Variants in KCND3 observed in about 807,000 individuals in gnomAD.
KCND3 encodes the protein A-type voltage-gated potassium channel KCND3.
In KCND3, 9 loss-of-function variants were observed where a neutral mutation model predicts 51.1. That is an observed-to-expected ratio of 0.18 (90% confidence interval 0.11 to 0.31). The LOEUF is 0.31. Ranked by LOEUF, KCND3 falls within the 10% of genes least tolerant of loss-of-function variation. The pLI is 1.00. For synonymous variants in KCND3, 349 were observed against 368.0 expected, an observed-to-expected ratio of 0.95 and a Z score of 0.59; for missense variants, 526 against 903.8, an observed-to-expected ratio of 0.58 and a Z score of 5.36.
At chr1:111,781,756 T>C (rs965428083) in intron 3 of KCND3, among the ~76,000 whole-genome samples, 1 of 152,154 alleles carries the variant, frequency 6.6e-6, no homozygotes, top group Non-Finnish European at 1.5e-5. Flanking sequence ...GAGGGCTGCA[T>C]GGTATCAAGC....
intron 2 of KCND3, among the ~76,000 whole-genome samples, chr1:111,916,347 A>G (rs1329640300): frequency 6.6e-6 from 1 of 152,250 alleles, no homozygotes; most frequent in Admixed American, 6.5e-5. Flanking sequence ...AAAAATCACA[A>G]GGGAAATTAG....
rs766584545 is a variant in KCND3 at position 111,982,381 on chromosome 1, C to T, written c.346G>A (p.Asp116Asn). 5 of 1,614,184 alleles carry T rather than the reference C, an allele frequency of 3.1e-6. No homozygotes were observed. The highest frequency in any genetic ancestry group is 4.2e-6 in the Non-Finnish European group (5 of 1,180,048). ...AGGATGCCGTAGAAGGCCAGCTCGT[C>T]GTCGTAGGCAGAGATGCACTCGTAG... ...PRYECISAYD[D>N]ELAFYGILPE... The change falls in exon 2 of 8, where the codon GAC becomes AAC. Residue 116 changes from aspartate (D) to asparagine (N), a missense_variant. By Grantham distance (23) the Asp-to-Asn change is conservative (BLOSUM62 1). Coordinates refer to ENST00000302127, the MANE Select transcript of KCND3 (RefSeq NM_001378969.1). This position sits in a 1 kb window ranked among gnomAD's most constrained non-coding sequence, Gnocchi z 8.5.
chr1:111,787,131 G>A (rs756921070), intron 2 of KCND3, 25 bp from the exon 3 acceptor site: 6 of 1,613,216 alleles, frequency 3.7e-6, no homozygotes, highest in East Asian at 2.2e-5. Context: ...GAAACAGGGT[G>A]TAAGGGAGAG....
At chr1:111,790,783 T>C (rs1309648342) in intron 2 of KCND3, among the ~76,000 whole-genome samples, 5 of 152,244 alleles carry the variant, frequency 3.3e-5, no homozygotes, top group African/African-American at 7.2e-5. Flanking sequence ...TCCGTCTCTA[T>C]AGATGTCCCC....
At chr1:111,976,428 G>C (rs1326320256) in intron 2 of KCND3, among the ~76,000 whole-genome samples, 1 of 152,208 alleles carries the variant, frequency 6.6e-6, no homozygotes, top group Non-Finnish European at 1.5e-5. Flanking sequence ...CATTTTGATA[G>C]CACATTCATC....
intron 2 of KCND3, among the ~76,000 whole-genome samples, chr1:111,943,806 C>T (rs67211614): frequency 0.086 from 13,017 of 152,198 alleles, 581 homozygotes; most frequent in Non-Finnish European, 0.099. Flanking sequence ...ATTATTCACC[C>T]CATTTTACAG....
At chr1:111,970,027 T>G (rs1004627604) in intron 2 of KCND3, among the ~76,000 whole-genome samples, 4 of 152,222 alleles carry the variant, frequency 2.6e-5, no homozygotes, top group East Asian at 3.9e-4. Flanking sequence ...CTCTCTTTTT[T>G]TTTTTGGAGA....
chr1:111,928,320 G>A (rs1007255989), intron 2 of KCND3, among the ~76,000 whole-genome samples: 7 of 152,124 alleles, frequency 4.6e-5, no homozygotes, highest in African/African-American at 1.7e-4. Flanking sequence ...CCTACTCCCC[G>A]GGAAGCTCAG....
chr1:111,866,105 A>T (rs892863936), intron 2 of KCND3, among the ~76,000 whole-genome samples: 43 of 151,870 alleles, frequency 2.8e-4, no homozygotes, highest in Non-Finnish European at 1.2e-4. Flanking sequence ...TTTAGTTCTA[A>T]TTTTTTTAGT....
intron 2 of KCND3, among the ~76,000 whole-genome samples, chr1:111,817,486 C>T (rs1571686887): frequency 6.6e-6 from 1 of 152,252 alleles, no homozygotes; most frequent in East Asian, 1.9e-4. Flanking sequence ...AGACCCGACA[C>T]CGACCCAAAT....
chr1:111,857,556 T>G lies in KCND3; in HGVS notation c.1107-70450A>C, dbSNP rs554675642. 3.3e-5 allele frequency among the ~76,000 whole-genome samples: 5 copies of G among 152,274 alleles called. No homozygotes were observed. In the East Asian group the frequency reaches 7.7e-4, roughly 23 times the overall value. Reference sequence around the variant, plus strand: ...TCAGTCAGAAGAACAGTGTGGTGATTGTTGCCTCCTCAGCAAATCTATGCC... The same window carrying G: ...TCAGTCAGAAGAACAGTGTGGTGATGGTTGCCTCCTCAGCAAATCTATGCC... On this transcript the variant is annotated intron_variant, in intron 2 of 7. Transcript: ENST00000302127.
intron 2 of KCND3, among the ~76,000 whole-genome samples, chr1:111,876,014 G>A (rs891930743): frequency 2.0e-5 from 3 of 152,164 alleles, no homozygotes; most frequent in Admixed American, 2.0e-4. Context: ...TGTAGGTACC[G>A]GAGAGGCAGC....
intron 2 of KCND3, among the ~76,000 whole-genome samples, chr1:111,900,214 CCT>C (rs2101788494): frequency 6.6e-6 from 1 of 152,234 alleles, no homozygotes; most frequent in South Asian, 2.1e-4. Flanking sequence ...CCCTTCTCTC[CCT>C]CTGACCCTTC....
chr1:111,776,049 A>G lies in KCND3; in HGVS notation c.*28T>C. The G allele has an allele frequency of 1.2e-6, 2 of 1,612,190 alleles. No individual in the cohort carries two copies. Among genetic ancestry groups the G allele is most frequent in the Non-Finnish European group, 8.5e-7 (1 of 1,178,364 alleles). On this transcript the variant is annotated 3_prime_UTR_variant, in exon 8 of 8. Coordinates refer to ENST00000302127, the MANE Select transcript of KCND3 (RefSeq NM_001378969.1). ...ATGCCAGTCCCCTTCATTCCCCACT[A>G]CCCACTCTGGCCCTCTGTCCAGTGG...
intron 2 of KCND3, among the ~76,000 whole-genome samples, chr1:111,973,187 G>A (rs1376358088): frequency 1.3e-5 from 2 of 152,206 alleles, no homozygotes; most frequent in Non-Finnish European, 2.9e-5. Flanking sequence ...AACTGGCTGG[G>A]AAATAGAGAT....
At chr1:111,895,677 C>T (rs1347281542) in intron 2 of KCND3, among the ~76,000 whole-genome samples, 1 of 152,246 alleles carries the variant, frequency 6.6e-6, no homozygotes, top group Non-Finnish European at 1.5e-5. Flanking sequence ...AACCCCTTCT[C>T]CATATGCTCA....
At chr1:111,967,400 A>G (rs904915481) in intron 2 of KCND3, among the ~76,000 whole-genome samples, 1 of 152,090 alleles carries the variant, frequency 6.6e-6, no homozygotes, top group Non-Finnish European at 1.5e-5. Context: ...TCCTGGCCCA[A>G]CGAGAGGCAT....
chr1:111,811,234 G>T (rs902311578), intron 2 of KCND3, among the ~76,000 whole-genome samples: 2 of 152,172 alleles, frequency 1.3e-5, no homozygotes, highest in African/African-American at 4.8e-5. Context: ...AAGAAGAGAG[G>T]ATCAGTGCTT....
intron 6 of KCND3, among the ~76,000 whole-genome samples, chr1:111,777,854 G>A (rs773037422): frequency 2.6e-5 from 4 of 152,214 alleles, no homozygotes; most frequent in Admixed American, 6.5e-5. Context: ...TGGGATATGA[G>A]TCCTTAATAT....
Sources: gnomAD v4.1 joint callset for allele counts (sites outside exome capture counted in the v4.1 genomes callset) on GRCh38, gnomAD v4.1.1 for gene constraint, Gnocchi (gnomAD v3.1) non-coding constraint, MANE v1.5 for transcripts, NCBI Gene and HGNC (gene_info 2026-07-23, HGNC 2026-07-21) for gene names.